The following KLHDC10 variants were observed in gnomAD, a reference collection of about 807,000 sequenced individuals.
KLHDC10 encodes the protein kelch domain-containing protein 10.
A neutral mutation model predicts 56.1 loss-of-function variants in KLHDC10; 24 were observed. The observed-to-expected ratio is 0.43, with a 90% confidence interval of 0.31 to 0.60. The LOEUF (loss-of-function observed/expected upper bound fraction) is 0.60. Ranked by LOEUF, KLHDC10 falls within the 20% of genes least tolerant of loss-of-function variation. KLHDC10 has a pLI of 0.11. For missense variants in KLHDC10, 349 were observed against 567.0 expected (o/e 0.62, Z 3.91); for synonymous variants, 188 against 207.1 (o/e 0.91, Z 0.79).
At chr7:130,083,200 CCTGA>C (rs1174463198) in intron 1 of KLHDC10, among the ~76,000 whole-genome samples, 1 of 152,144 alleles carries the variant, frequency 6.6e-6, no homozygotes, top group Admixed American at 6.6e-5. Flanking sequence ...TGCTCCTTAT[CCTGA>C]CTAATTTAAT....
intron 2 of KLHDC10, among the ~76,000 whole-genome samples, chr7:130,109,999 T>C (rs999570383): frequency 3.3e-5 from 5 of 152,260 alleles, no homozygotes; most frequent in Admixed American, 1.3e-4. Flanking sequence ...TGTTGTCATG[T>C]ATCTTTAGCC....
At chr7:130,128,538 C>T (rs772457799) in intron 8 of KLHDC10, among the ~76,000 whole-genome samples, 21 of 152,076 alleles carry the variant, frequency 1.4e-4, no homozygotes, top group African/African-American at 2.7e-4. Context: ...GTCCTCTTCT[C>T]GCCGAAGAAA....
Position 130,131,083 on chromosome 7 carries a change from G to C in KLHDC10, c.*337G>C. On this transcript the variant is annotated 3_prime_UTR_variant, in exon 10 of 10. Transcript: ENST00000335420. ...TTCCTTTTTAAAGGAATTCTGAATA[G>C]TTCCATGTCATACAATATTCTAGAA... is the stretch of plus-strand genomic sequence containing the variant. 5.4e-6 allele frequency: 1 copy of C among 184,272 alleles called. No individual in the cohort carries two copies. The highest frequency in any genetic ancestry group is 1.1e-5 in the Non-Finnish European group (1 of 87,984). 11.4% of individuals were successfully genotyped at this position (184,272 alleles called of 1,614,324 possible).
intron 3 of KLHDC10, among the ~76,000 whole-genome samples, chr7:130,118,525 C>T (rs917684055): frequency 1.3e-5 from 2 of 152,206 alleles, no homozygotes; most frequent in African/African-American, 4.8e-5. Flanking sequence ...CCTTATCATT[C>T]GTGTGTTCAC....
chr7:130,077,890 T>G (rs1019084603), intron 1 of KLHDC10, among the ~76,000 whole-genome samples: 2 of 152,006 alleles, frequency 1.3e-5, no homozygotes, highest in Non-Finnish European at 2.9e-5. Flanking sequence ...TTTATGTGGT[T>G]GTTTGAATAT....
chr7:130,127,324 G>T (rs1796327501), intron 7 of KLHDC10, 80 bp from the exon 8 acceptor site: 2 of 1,109,862 alleles, frequency 1.8e-6, no homozygotes, highest in Non-Finnish European at 1.4e-6. Flanking sequence ...TACACGTAGT[G>T]TGTCTTTCAC....
At chr7:130,089,745 A>G (rs780872285) in intron 1 of KLHDC10, among the ~76,000 whole-genome samples, 18 of 152,188 alleles carry the variant, frequency 1.2e-4, no homozygotes, top group Non-Finnish European at 2.1e-4. Context: ...CTGTGCAGCG[A>G]TTCCAAATAC....
At chr7:130,103,659 T>C (rs1466040343) in intron 2 of KLHDC10, among the ~76,000 whole-genome samples, 1 of 152,158 alleles carries the variant, frequency 6.6e-6, no homozygotes, top group East Asian at 1.9e-4. Context: ...TTCAGTGTTC[T>C]GAGGGGAAAT....
chr7:130,070,641 G>T lies in KLHDC10; in HGVS notation c.-3G>T. ...ACCGGGCTGCGGCAATCGTTAGCGG[G>T]TCATGTCGGCCGCCCAGGGCTGGGA... is the stretch of plus-strand genomic sequence containing the variant. On this transcript the variant is annotated 5_prime_UTR_variant, in exon 1 of 10. Transcript: ENST00000335420. The T allele has an allele frequency of 1.5e-6, 2 of 1,318,534 alleles. No homozygotes were observed. Among genetic ancestry groups the T allele is most frequent in the Non-Finnish European group, 1.9e-6 (2 of 1,029,094 alleles). The allele number at this position is 1,318,534 out of a possible 1,614,324, so 81.7% of individuals were successfully genotyped here. A position where few individuals can be genotyped will look rare whatever the true frequency, so the allele number is the denominator to read the frequency against.
rs1017336980 is a variant in KLHDC10, at chr7:130,131,534, A to G, written c.*788A>G. On this transcript the variant is annotated 3_prime_UTR_variant, in exon 10 of 10. Transcript: ENST00000335420. ...TCAAACGGAAAAACTTGTGGTGGCC[A>G]AAGTTCTTCATTCTGGCAGTTTTGA... 3.9e-5 allele frequency: 6 copies of G among 152,238 alleles called. No homozygotes were observed. The highest frequency in any genetic ancestry group is 1.2e-4 in the African/African-American group (5 of 41,462). 9.4% of individuals were successfully genotyped at this position (152,238 alleles called of 1,614,324 possible). A position where few individuals can be genotyped will look rare whatever the true frequency, so the allele number is the denominator to read the frequency against.
rs779740253 is a variant in KLHDC10, at chr7:130,116,484, T to C, written c.293T>C (p.Val98Ala). ...PPPARSGHRC[V>A]ADNTNLYVFG... Reference sequence around the variant, plus strand: ...CCAGCACGAAGTGGACATCGTTGTGTGGCAGATAATACCAACCTATATGTG... The same window carrying C: ...CCAGCACGAAGTGGACATCGTTGTGCGGCAGATAATACCAACCTATATGTG... The change falls in exon 3 of 10, where the codon GTG becomes GCG. Residue 98 changes from valine (V) to alanine (A), a missense_variant. Val to Ala is a moderately conservative substitution (Grantham distance 64, BLOSUM62 0). This residue lies in a region of KLHDC10 where 245 missense variants were observed against 470.1 expected (regional missense o/e 0.52). Coordinates refer to ENST00000335420, the MANE Select transcript of KLHDC10 (RefSeq NM_014997.4). The surrounding 1 kb of genome is among the most constrained non-coding windows in gnomAD (Gnocchi z 4.8). The C allele has an allele frequency of 2.5e-6, 4 of 1,614,194 alleles. No individual in the cohort carries two copies. The highest frequency in any genetic ancestry group is 3.4e-6 in the Non-Finnish European group (4 of 1,180,018).
intron 2 of KLHDC10, among the ~76,000 whole-genome samples, chr7:130,107,843 C>CAAAAAAAAAAA (rs3043725): frequency 7.7e-5 from 2 of 26,036 alleles, no homozygotes; most frequent in East Asian, 1.8e-3. Context: ...GACTCCGTCT[C>CAAAAAAAAAAA]AAAAAAAAAA....
In KLHDC10 at chr7:130,134,872, T is replaced by C. The variant is rs1376512060; in HGVS notation, c.*4126T>C. 4 of 152,120 alleles carry C rather than the reference T, an allele frequency of 2.6e-5. No homozygotes were observed. The highest frequency in any genetic ancestry group is 4.4e-5 in the Non-Finnish European group (3 of 68,038). The allele number at this position is 152,120 out of a possible 1,614,324, so 9.4% of individuals were successfully genotyped here. On this transcript the variant is annotated 3_prime_UTR_variant, in exon 10 of 10. Coordinates refer to ENST00000335420, the MANE Select transcript of KLHDC10 (RefSeq NM_014997.4). ...TTTGGTTCCCCAAATGCCTTGGAAC[T>C]CCAGACGCACCCGCAGGGCCTGAGG... is the stretch of plus-strand genomic sequence containing the variant.
At position 130,109,675 on chromosome 7, in the gene KLHDC10, G is replaced by C. The variant is rs532764696; in HGVS notation, c.254-6770G>C. The stretch of plus-strand genomic sequence containing the variant: ...TTGTTTTGAGACGGAGTCTCACTCT[G>C]TTGCCCAGGCTGGAGTGCAGTGGTG... On this transcript the variant is annotated intron_variant, in intron 2 of 9. Transcript: ENST00000335420. Among the ~76,000 whole-genome samples, 9 of 152,302 alleles carry C rather than the reference G, an allele frequency of 5.9e-5. No homozygotes were observed. The South Asian group carries it at 1.9e-3, about 32-fold the overall frequency.
At chr7:130,078,306 G>A (rs1294326911) in intron 1 of KLHDC10, among the ~76,000 whole-genome samples, 3 of 150,964 alleles carry the variant, frequency 2.0e-5, no homozygotes, top group East Asian at 2.0e-4. Flanking sequence ...CCCTGGAGGC[G>A]GAGGTTGCAG....
intron 1 of KLHDC10, among the ~76,000 whole-genome samples, chr7:130,071,788 T>TCA (rs1440058040): frequency 1.0e-3 from 156 of 152,330 alleles, no homozygotes; most frequent in Admixed American, 3.7e-3. Flanking sequence ...GATATATTTG[T>TCA]TTAGCTGATG....
chr7:130,075,983 C>G (rs1014618266), intron 1 of KLHDC10, among the ~76,000 whole-genome samples: 2 of 151,686 alleles, frequency 1.3e-5, no homozygotes, highest in Non-Finnish European at 1.5e-5. Context: ...AAGGCGGTAC[C>G]CAACCTTTTT....
intron 2 of KLHDC10, among the ~76,000 whole-genome samples, chr7:130,100,469 T>C (rs1433354710): frequency 6.6e-6 from 1 of 152,224 alleles, no homozygotes; most frequent in East Asian, 1.9e-4. Flanking sequence ...GCATAGTGCA[T>C]GTAGCAGGTA....
chr7:130,098,439 G>C (rs1202754703), intron 2 of KLHDC10, among the ~76,000 whole-genome samples: 1 of 152,128 alleles, frequency 6.6e-6, no homozygotes, highest in Non-Finnish European at 1.5e-5. Flanking sequence ...GTTGCAGTGA[G>C]CCATGATTGT....
Sources: gnomAD v4.1 joint callset for allele counts (sites outside exome capture counted in the v4.1 genomes callset) on GRCh38, gnomAD v4.1.1 for gene constraint, gnomAD v4.1.1 regional missense constraint, Gnocchi (gnomAD v3.1) non-coding constraint, MANE v1.5 for transcripts, NCBI Gene and HGNC (gene_info 2026-07-23, HGNC 2026-07-21) for gene names.